The following TBC1D5 variants were observed in gnomAD, a reference collection of about 807,000 sequenced individuals.
TBC1D5 encodes the protein TBC1 domain family, member 5.
In TBC1D5, 75 loss-of-function variants were observed where a neutral mutation model predicts 100.3. That is an observed-to-expected ratio of 0.75 (90% confidence interval 0.62 to 0.91). TBC1D5 has a LOEUF of 0.91. TBC1D5 is among the 40% of genes least tolerant of loss of function. TBC1D5 has a pLI of 0.00. For synonymous variants in TBC1D5, 323 were observed against 325.6 expected, an observed-to-expected ratio of 0.99 and a Z score of 0.09; for missense variants, 910 against 942.4, an observed-to-expected ratio of 0.97 and a Z score of 0.45.
At chr3:17,701,490 G>C (rs1193656613) in intron 1 of TBC1D5, among the ~76,000 whole-genome samples, 1 of 151,960 alleles carries the variant, frequency 6.6e-6, no homozygotes, top group Non-Finnish European at 1.5e-5. Flanking sequence ...ATAAAAAAAA[G>C]TCTCCTGGGT....
chr3:17,637,061 G>A (rs761067257), intron 1 of TBC1D5, among the ~76,000 whole-genome samples: 25 of 148,482 alleles, frequency 1.7e-4, no homozygotes, highest in Middle Eastern at 6.9e-3. Flanking sequence ...TCACTCTGTC[G>A]CCCAGGCTGG....
chr3:17,653,345 C>T (rs1328824071), intron 1 of TBC1D5, among the ~76,000 whole-genome samples: 1 of 152,062 alleles, frequency 6.6e-6, no homozygotes, highest in African/African-American at 2.4e-5. Flanking sequence ...GCTGCCACAT[C>T]ACCAGTAATA....
intron 15 of TBC1D5, among the ~76,000 whole-genome samples, chr3:17,261,051 C>T (rs1276270292): frequency 2.0e-5 from 3 of 152,160 alleles, no homozygotes; most frequent in South Asian, 2.1e-4. Context: ...ACATCTGAAA[C>T]ACCCGTACAC....
intron 2 of TBC1D5, among the ~76,000 whole-genome samples, chr3:17,619,259 C>T (rs1311813436): frequency 1.3e-5 from 2 of 152,028 alleles, no homozygotes; most frequent in Admixed American, 1.3e-4. Context: ...CGGAGTTAGA[C>T]AAGTTGATAC....
intron 1 of TBC1D5, among the ~76,000 whole-genome samples, chr3:17,719,426 T>G (rs890017934): frequency 6.6e-6 from 1 of 152,232 alleles, no homozygotes; most frequent in Non-Finnish European, 1.5e-5. Context: ...TATTATTTTT[T>G]TAAATGGACT....
At chr3:17,467,534 C>T (rs1454848322) in intron 3 of TBC1D5, among the ~76,000 whole-genome samples, 1 of 151,860 alleles carries the variant, frequency 6.6e-6, no homozygotes, top group Non-Finnish European at 1.5e-5. Context: ...TTACTCAAAA[C>T]TACATAATAT....
intron 1 of TBC1D5, among the ~76,000 whole-genome samples, chr3:17,670,648 C>G (rs527368936): frequency 1.3e-5 from 2 of 152,288 alleles, no homozygotes; most frequent in Admixed American, 1.3e-4. Flanking sequence ...CTAATCATCT[C>G]AGTTGATGTA....
At chr3:17,540,810 G>T (rs971105821) in intron 2 of TBC1D5, among the ~76,000 whole-genome samples, 1 of 149,832 alleles carries the variant, frequency 6.7e-6, no homozygotes, top group African/African-American at 2.5e-5. Context: ...GGGAAGCTGA[G>T]GCAGGAGAAT....
chr3:17,377,942 C>T (rs1299663476), intron 9 of TBC1D5, among the ~76,000 whole-genome samples: 1 of 151,658 alleles, frequency 6.6e-6, no homozygotes, highest in African/African-American at 2.4e-5. Flanking sequence ...TTTCAGATAA[C>T]ATGTTAGACA....
chr3:17,457,750 CATGT>C (rs2095121155), intron 3 of TBC1D5, among the ~76,000 whole-genome samples: 1 of 151,470 alleles, frequency 6.6e-6, no homozygotes, highest in Non-Finnish European at 1.5e-5. Flanking sequence ...TTTAAATTCT[CATGT>C]ATTATTGTCA....
At chr3:17,161,582 G>C (rs1188314015) in intron 21 of TBC1D5, among the ~76,000 whole-genome samples, 1 of 152,256 alleles carries the variant, frequency 6.6e-6, no homozygotes, top group African/African-American at 2.4e-5. Context: ...TGGCCAATAG[G>C]TTGCAGGCAG....
At chr3:17,658,442 A>G (rs1198395122) in intron 1 of TBC1D5, among the ~76,000 whole-genome samples, 1 of 152,170 alleles carries the variant, frequency 6.6e-6, no homozygotes, top group Non-Finnish European at 1.5e-5. Flanking sequence ...GAAACAGGAA[A>G]AATCTCATGA....
rs915290938 is a variant in TBC1D5 at position 17,161,699 on chromosome 3, T to C, written c.2095-443A>G. On this transcript the variant is annotated intron_variant, in intron 21 of 21. Coordinates refer to ENST00000253692, the Ensembl canonical transcript of TBC1D5. ...GATAAAGACAGTGTCTTCCTCCTAA[T>C]GTGTTGTCATGATATAGTGAGATGA... Among the ~76,000 whole-genome samples, 4 of 152,238 alleles carry C rather than the reference T, an allele frequency of 2.6e-5. No homozygotes were observed. In the East Asian group the frequency reaches 5.8e-4, roughly 22 times the overall value.
At chr3:17,727,648 T>G (rs934307304) in intron 1 of TBC1D5, among the ~76,000 whole-genome samples, 2 of 152,050 alleles carry the variant, frequency 1.3e-5, no homozygotes, top group South Asian at 4.1e-4. Context: ...GAGAGAAATT[T>G]AACACATAAA....
chr3:17,422,047 G>A (rs2094219067), intron 4 of TBC1D5, among the ~76,000 whole-genome samples: 2 of 152,324 alleles, frequency 1.3e-5, no homozygotes, highest in South Asian at 4.1e-4. Context: ...AGAAACTTAA[G>A]AGGACTGAGT....
intron 8 of TBC1D5, among the ~76,000 whole-genome samples, chr3:17,385,175 G>C (rs1439006946): frequency 6.6e-6 from 1 of 152,014 alleles, no homozygotes; most frequent in Non-Finnish European, 1.5e-5. Context: ...AATCATGTAA[G>C]AGCACCAAGA....
chr3:17,439,312 C>G (rs1158086057), intron 3 of TBC1D5, among the ~76,000 whole-genome samples: 1 of 152,104 alleles, frequency 6.6e-6, no homozygotes, highest in Non-Finnish European at 1.5e-5. Flanking sequence ...CATTGTGAAC[C>G]AGGGTAGCTG....
At chr3:17,196,308 A>G (rs1324520372) in intron 18 of TBC1D5, among the ~76,000 whole-genome samples, 2 of 152,228 alleles carry the variant, frequency 1.3e-5, no homozygotes, top group African/African-American at 4.8e-5. Flanking sequence ...AGCTCCTAGC[A>G]GAGAAGGCTC....
intron 13 of TBC1D5, among the ~76,000 whole-genome samples, chr3:17,367,123 C>G (rs967227007): frequency 2.0e-5 from 3 of 152,076 alleles, no homozygotes; most frequent in African/African-American, 7.2e-5. Flanking sequence ...GTATAAAATA[C>G]AGTAAAAAGT....
Sources: gnomAD v4.1 joint callset for allele counts (sites outside exome capture counted in the v4.1 genomes callset) on GRCh38, gnomAD v4.1.1 for gene constraint, MANE v1.5 for transcripts, NCBI Gene and HGNC (gene_info 2026-07-23, HGNC 2026-07-21) for gene names.